Variants in MLXIP observed in about 807,000 individuals in gnomAD.
MLXIP encodes the protein MLX interacting protein.
A neutral mutation model predicts 87.2 loss-of-function variants in MLXIP; 30 were observed. The observed-to-expected ratio is 0.34, with a 90% CI of 0.26 to 0.47. The LOEUF is 0.47. Among genes scored for constraint, MLXIP ranks in the 20% least tolerant of loss-of-function variants. The pLI is 1.00. For missense variants in MLXIP, 1,002 were observed against 1,240.1 expected (o/e 0.81, Z 2.88); for synonymous variants, 530 against 514.0 (o/e 1.03, Z -0.42).
intron 1 of MLXIP, among the ~76,000 whole-genome samples, chr12:122,105,712 G>A (rs1393158592): frequency 4.6e-5 from 7 of 151,742 alleles, no homozygotes; most frequent in Non-Finnish European, 8.8e-5. Flanking sequence ...TTTTAGAGGC[G>A]GAGCTTGCAG....
chr12:122,115,748 G>A (rs1327509823), intron 1 of MLXIP, among the ~76,000 whole-genome samples: 2 of 151,936 alleles, frequency 1.3e-5, no homozygotes, highest in Admixed American at 6.6e-5. Context: ...ATAATATTGC[G>A]AATATAAAAT....
In MLXIP at chr12:122,142,221, G is replaced by A. The variant is rs751261895; in HGVS notation, c.*409G>A. On this transcript the variant is annotated 3_prime_UTR_variant, in exon 17 of 17. Transcript: ENST00000319080. The stretch of plus-strand genomic sequence containing the variant: ...GGCCCAGCCTTGTCCCTCCTGCCAC[G>A]TCCTGTCCACATGCATGCCTCTGCC... 6.0e-5 allele frequency: 42 copies of A among 700,408 alleles called. No homozygotes were observed. Among genetic ancestry groups the A allele is most frequent in the East Asian group, 2.4e-4 (9 of 37,212 alleles). 43.4% of individuals were successfully genotyped at this position (700,408 alleles called of 1,614,324 possible). A position where few individuals can be genotyped will look rare whatever the true frequency, so the allele number is the denominator to read the frequency against.
At chr12:122,101,526 T>C (rs189213872) in intron 1 of MLXIP, among the ~76,000 whole-genome samples, 32 of 150,958 alleles carry the variant, frequency 2.1e-4, no homozygotes, top group Admixed American at 6.6e-4. Context: ...ATTTTTCTCC[T>C]GTATTCTCTT....
chr12:122,099,898 A>T (rs1432829972), intron 1 of MLXIP, among the ~76,000 whole-genome samples: 2 of 152,168 alleles, frequency 1.3e-5, no homozygotes. Context: ...GAAGATGGAG[A>T]CTACATTTCC....
rs1183555186 is a variant in MLXIP at position 122,144,438 on chromosome 12, A to T, written c.*2626A>T. 2.1e-5 allele frequency: 3 copies of T among 142,138 alleles called. No individual in the cohort carries two copies. The highest frequency in any genetic ancestry group is 2.1e-4 in the Admixed American group (3 of 14,324). The allele number at this position is 142,138 out of a possible 1,614,324, so 8.8% of individuals were successfully genotyped here. A position where few individuals can be genotyped will look rare whatever the true frequency, so the allele number is the denominator to read the frequency against. The stretch of plus-strand genomic sequence containing the variant: ...CTCTACAAAAAAAAAAAAAAAAAAA[A>T]AAAATTTAGCCGTGTGTAGCAGTGA... On this transcript the variant is annotated 3_prime_UTR_variant, in exon 17 of 17. Transcript: ENST00000319080.
intron 1 of MLXIP, among the ~76,000 whole-genome samples, chr12:122,119,496 A>G (rs1021289161): frequency 1.3e-5 from 2 of 152,038 alleles, no homozygotes; most frequent in Admixed American, 6.5e-5. Context: ...GGTTCATGCC[A>G]TTCTCCTGCC....
At chr12:122,134,209 T>TTC in intron 9 of MLXIP, 1 of 629,878 alleles carries the variant, frequency 1.6e-6, no homozygotes, top group East Asian at 3.1e-5. Context: ...TGTTTGGTTT[T>TTC]TTTTTTTTTG....
chr12:122,127,938 T>C lies in MLXIP; in HGVS notation c.576T>C (p.Ser192=). 2 of 1,613,810 alleles carry C rather than the reference T, an allele frequency of 1.2e-6. No homozygotes were observed. Among genetic ancestry groups the C allele is most frequent in the African/African-American group, 1.3e-5 (1 of 75,054 alleles). Residue 192 remains serine, a synonymous_variant, in exon 3 of 17, where the codon TCT becomes TCC. Transcript: ENST00000319080. ...ACTTTGTGACACCCCTGGACGGCTC[T>C]GTGGACGTAGACGAGCACCGCCGGC... ...VCHFVTPLDG[S]VDVDEHRRPE...
chr12:122,119,345 A>C (rs1041336499), intron 1 of MLXIP, among the ~76,000 whole-genome samples: 2 of 152,158 alleles, frequency 1.3e-5, no homozygotes, highest in Non-Finnish European at 2.9e-5. Context: ...GTTATTTTAA[A>C]AATTACCCCG....
Position 122,133,673 on chromosome 12 carries a change from A to G in MLXIP, c.1418A>G (p.Lys473Arg), listed in dbSNP as rs1410121252. The G allele has an allele frequency of 6.2e-7, 1 of 1,613,522 alleles. No individual in the cohort carries two copies. Among genetic ancestry groups the G allele is most frequent in the Non-Finnish European group, 8.5e-7 (1 of 1,179,760 alleles). Residue 473 changes from lysine to arginine, a missense_variant, in exon 9 of 17, where the codon AAG (lysine) becomes AGG (arginine). By Grantham distance (26) the Lys-to-Arg change is conservative. Coordinates refer to ENST00000319080, the MANE Select transcript of MLXIP (RefSeq NM_014938.6). This position sits in a 1 kb window ranked among gnomAD's most constrained non-coding sequence, Gnocchi z 4.9. ...PAPPTFHQPQKFAGVNKAPSV... is the reference protein window; with the variant it reads ...PAPPTFHQPQRFAGVNKAPSV... ...CCACCCACCTTCCATCAGCCACAGAAGTTTGCTGGAGTCAACAAAGCGCCG... is the reference window on the plus strand; with the variant it reads ...CCACCCACCTTCCATCAGCCACAGAGGTTTGCTGGAGTCAACAAAGCGCCG...
chr12:122,116,327 A>G (rs774358059), intron 1 of MLXIP, among the ~76,000 whole-genome samples: 2 of 152,068 alleles, frequency 1.3e-5, no homozygotes, highest in Admixed American at 6.5e-5. Context: ...TTTAGGGTAC[A>G]TGTGCACAAC....
At chr12:122,114,737 C>CT (rs1278951793) in intron 1 of MLXIP, among the ~76,000 whole-genome samples, 51,158 of 120,660 alleles carry the variant, frequency 0.42, 11,128 homozygotes, top group Middle Eastern at 0.59. Flanking sequence ...AAGGTGACTT[C>CT]TTTTTTTTTT....
In MLXIP at chr12:122,133,817, G is replaced by C; in HGVS notation, c.1562G>C (p.Cys521Ser). Residue 521 changes from cysteine to serine, a missense_variant, in exon 9 of 17, where the codon TGT (cysteine) becomes TCT (serine). Around this residue, in one of 3 missense-constraint regions of MLXIP, gnomAD observed 746 missense variants for 897.0 expected, o/e 0.83. Coordinates refer to ENST00000319080, the MANE Select transcript of MLXIP (RefSeq NM_014938.6). This position sits in a 1 kb window ranked among gnomAD's most constrained non-coding sequence, Gnocchi z 4.9. ...CACCCTGCCCCGTCAGCGGCCCCTT[G>C]TGGGCTGGCACTGTCTCCTGTCACC... Reference protein sequence around the residue: ...THHPAPSAAPCGLALSPVTRP... With the variant: ...THHPAPSAAPSGLALSPVTRP... The C allele has an allele frequency of 6.2e-7, 1 of 1,613,088 alleles. No individual in the cohort carries two copies. The highest frequency in any genetic ancestry group is 1.3e-5 in the African/African-American group (1 of 75,030).
At chr12:122,141,586 G>T (rs187520079) in intron 16 of MLXIP, 105 bp from the exon 17 acceptor site, 5 of 1,513,212 alleles carry the variant, frequency 3.3e-6, no homozygotes, top group East Asian at 2.3e-5. Flanking sequence ...GCTGCTGCTC[G>T]CCCCGTGCCT....
chr12:122,138,995 C>T, intron 15 of MLXIP, 57 bp downstream of exon 15: 1 of 1,602,732 alleles, frequency 6.2e-7, no homozygotes, highest in Non-Finnish European at 8.5e-7. Flanking sequence ...ACTGAAGCCA[C>T]AGACCGTGGC....
chr12:122,130,119 C>T lies in MLXIP; in HGVS notation c.910+7C>T. Reference sequence around the variant, plus strand: ...CCCAATCCCCGGGAAATAGGTAACCCAAACCAGGGCCTTGGGCTTTGAACA... The same window carrying T: ...CCCAATCCCCGGGAAATAGGTAACCTAAACCAGGGCCTTGGGCTTTGAACA... On this transcript the variant is annotated splice_region_variant and intron_variant, in intron 6 of 16. Coordinates refer to ENST00000319080, the MANE Select transcript of MLXIP (RefSeq NM_014938.6). 1 of 1,611,386 alleles carries T rather than the reference C, an allele frequency of 6.2e-7. No individual in the cohort carries two copies. The highest frequency in any genetic ancestry group is 8.5e-7 in the Non-Finnish European group (1 of 1,178,778).
intron 1 of MLXIP, among the ~76,000 whole-genome samples, chr12:122,101,755 A>G (rs1162108916): frequency 6.6e-6 from 1 of 151,140 alleles, no homozygotes; most frequent in African/African-American, 2.4e-5. Context: ...TACTTTTTGT[A>G]TTTTTAGTAA....
chr12:122,123,767 A>G (rs1445885565), intron 1 of MLXIP, among the ~76,000 whole-genome samples: 4 of 152,050 alleles, frequency 2.6e-5, no homozygotes, highest in Non-Finnish European at 1.5e-5. Context: ...TGGTGCCATC[A>G]TGGCTCACTG....
rs763926893 is a variant in MLXIP, at chr12:122,127,918, G to A, written c.556G>A (p.Val186Met). ...EKRKNPVCHF[V>M]TPLDGSVDVD... The stretch of plus-strand genomic sequence containing the variant: ...GCGCAAGAATCCTGTGTGCCACTTT[G>A]TGACACCCCTGGACGGCTCTGTGGA... The change falls in exon 3 of 17, where the codon GTG becomes ATG. Residue 186 changes from valine to methionine, a missense_variant. Around this residue, in one of 3 missense-constraint regions of MLXIP, gnomAD observed 127 missense variants for 239.0 expected, o/e 0.53. Transcript: ENST00000319080. 22 of 1,613,770 alleles carry A rather than the reference G, an allele frequency of 1.4e-5. No homozygotes were observed. The highest frequency in any genetic ancestry group is 1.6e-5 in the Non-Finnish European group (19 of 1,179,838).
Sources: gnomAD v4.1 joint callset for allele counts (sites outside exome capture counted in the v4.1 genomes callset) on GRCh38, gnomAD v4.1.1 for gene constraint, gnomAD v4.1.1 regional missense constraint, Gnocchi (gnomAD v3.1) non-coding constraint, MANE v1.5 for transcripts, NCBI Gene and HGNC (gene_info 2026-07-23, HGNC 2026-07-21) for gene names.